QTMAN: variants seen among roughly 807,000 people sequenced by gnomAD.
The protein encoded by QTMAN is tRNA-queuosine alpha-mannosyltransferase.
the QTMAN span, among the ~76,000 whole-genome samples, chr2:144,276,084 G>A: frequency 6.6e-6 from 1 of 151,986 alleles, no homozygotes; most frequent in Non-Finnish European, 1.5e-5. Context: ...ATGTCCCCAA[G>A]GGGTCCTGGT....
chr2:144,102,402 T>G, the QTMAN span, among the ~76,000 whole-genome samples: 1 of 152,186 alleles, frequency 6.6e-6, no homozygotes, highest in African/African-American at 2.4e-5. Flanking sequence ...ATTTTGTGTT[T>G]AAAAAAAGTT....
At chr2:144,123,253 T>G in the QTMAN span, among the ~76,000 whole-genome samples, 4 of 152,160 alleles carry the variant, frequency 2.6e-5, no homozygotes, top group African/African-American at 9.7e-5. Flanking sequence ...TATCACATAT[T>G]GTTCTTAGAA....
At chr2:144,113,501 C>T in the QTMAN span, among the ~76,000 whole-genome samples, 1 of 151,872 alleles carries the variant, frequency 6.6e-6, no homozygotes, top group African/African-American at 2.4e-5. Context: ...TGTCATTACA[C>T]TCCCAGAAGA....
At chr2:144,160,526 T>C in the QTMAN span, among the ~76,000 whole-genome samples, 10 of 152,150 alleles carry the variant, frequency 6.6e-5, no homozygotes, top group Non-Finnish European at 1.2e-4. Context: ...TTTGGAACTT[T>C]TGGTATAGAA....
At chr2:144,012,732 T>C in the QTMAN span, among the ~76,000 whole-genome samples, 3 of 152,194 alleles carry the variant, frequency 2.0e-5, no homozygotes, top group Non-Finnish European at 4.4e-5. Context: ...ACAGAGATTA[T>C]TAGTCATCCT....
chr2:143,993,213 T>C, the QTMAN span, among the ~76,000 whole-genome samples: 2 of 152,320 alleles, frequency 1.3e-5, no homozygotes, highest in Admixed American at 6.5e-5. Flanking sequence ...TTCCTCATCA[T>C]TACATCTTCA....
the QTMAN span, among the ~76,000 whole-genome samples, chr2:144,292,923 AAACAT>A: frequency 3.3e-5 from 5 of 152,176 alleles, no homozygotes; most frequent in African/African-American, 7.2e-5. Flanking sequence ...AGAAACACTC[AAACAT>A]AACAAATGAT....
chr2:143,988,271 C>A, the QTMAN span, among the ~76,000 whole-genome samples: 1 of 152,162 alleles, frequency 6.6e-6, no homozygotes, highest in African/African-American at 2.4e-5. Context: ...GCTGAGGAGT[C>A]CCTGCAGTGC....
the QTMAN span, among the ~76,000 whole-genome samples, chr2:144,002,745 T>A: frequency 1.3e-5 from 2 of 151,970 alleles, no homozygotes; most frequent in South Asian, 4.1e-4. Context: ...ATCATTTATG[T>A]GGTTTCATAT....
chr2:144,032,060 G>A, the QTMAN span, among the ~76,000 whole-genome samples: 1 of 152,188 alleles, frequency 6.6e-6, no homozygotes. Flanking sequence ...TGGGATTACA[G>A]GCATGAGCCA....
the QTMAN span, among the ~76,000 whole-genome samples, chr2:144,189,935 T>C: frequency 6.6e-6 from 1 of 152,230 alleles, no homozygotes; most frequent in African/African-American, 2.4e-5. Flanking sequence ...TTCTCTTTTC[T>C]TCACTGCATA....
the QTMAN span, among the ~76,000 whole-genome samples, chr2:144,138,189 T>G: frequency 3.3e-5 from 5 of 152,072 alleles, no homozygotes; most frequent in Admixed American, 1.3e-4. Context: ...CTGAAGAATG[T>G]GTCATGGTGT....
At chr2:144,284,275 AG>A in the QTMAN span, among the ~76,000 whole-genome samples, 1 of 152,108 alleles carries the variant, frequency 6.6e-6, no homozygotes, top group East Asian at 1.9e-4. Context: ...ATCAAAATAA[AG>A]ACAAATAATA....
chr2:144,220,519 T>G, the QTMAN span, among the ~76,000 whole-genome samples: 5 of 152,184 alleles, frequency 3.3e-5, no homozygotes, highest in Non-Finnish European at 7.4e-5. Context: ...ACAAATATTT[T>G]GTCTAATGAA....
At chr2:144,206,284 C>CA in the QTMAN span, among the ~76,000 whole-genome samples, 9 of 152,048 alleles carry the variant, frequency 5.9e-5, no homozygotes, top group Admixed American at 5.9e-4. Flanking sequence ...ACTAAATATA[C>CA]AAAAAGAGTA....
the QTMAN span, among the ~76,000 whole-genome samples, chr2:143,959,332 A>T: frequency 6.6e-6 from 1 of 152,092 alleles, no homozygotes; most frequent in Non-Finnish European, 1.5e-5. Context: ...ACTGTGGAAA[A>T]AAAAAACACT....
the QTMAN span, among the ~76,000 whole-genome samples, chr2:144,133,705 T>A: frequency 6.7e-6 from 1 of 148,966 alleles, no homozygotes; most frequent in African/African-American, 2.5e-5. Flanking sequence ...GGAGATTTCT[T>A]GACAGTGAGT....
chr2:144,109,775 A>G, the QTMAN span, among the ~76,000 whole-genome samples: 1 of 152,200 alleles, frequency 6.6e-6, no homozygotes, highest in Non-Finnish European at 1.5e-5. Flanking sequence ...ATGCAGCCAA[A>G]AGACACATGA....
chr2:143,993,719 T>TA, the QTMAN span, among the ~76,000 whole-genome samples: 17 of 152,130 alleles, frequency 1.1e-4, no homozygotes, highest in African/African-American at 4.1e-4. Flanking sequence ...TCCAGAACTG[T>TA]AAGAGAACAA....
Sources: allele counts gnomAD v4.1 joint callset (sites outside exome capture counted in the v4.1 genomes callset), GRCh38; gene constraint gnomAD v4.1.1; transcripts MANE v1.5; gene names NCBI Gene and HGNC (gene_info 2026-07-23, HGNC 2026-07-21).